The following GPC5 variants were observed in gnomAD, a reference collection of about 807,000 sequenced individuals.
GPC5 encodes glypican-5.
In GPC5, 47 loss-of-function variants were observed where a neutral mutation model predicts 53.9. The observed-to-expected ratio is 0.87, with a 90% CI of 0.69 to 1.11. The LOEUF (loss-of-function observed/expected upper bound fraction) is 1.11, where lower values mean the gene tolerates loss of function less well. Ranked by LOEUF, GPC5 falls within the 50% of genes most tolerant of loss-of-function variation. The probability of loss-of-function intolerance (pLI) is 0.00; values close to 1 mark genes in which losing one functional copy is unlikely to be tolerated. For missense variants in GPC5, 748 were observed against 713.1 expected, an observed-to-expected ratio of 1.05 and a Z score of -0.56; for synonymous variants, 286 against 263.3, an observed-to-expected ratio of 1.09 and a Z score of -0.84.
chr13:92,192,401 T>A (rs1232788492), intron 7 of GPC5, among the ~76,000 whole-genome samples: 1 of 152,132 alleles, frequency 6.6e-6, no homozygotes, highest in African/African-American at 2.4e-5. Flanking sequence ...GCTCTAAAAG[T>A]TTATTAATTA....
chr13:92,460,742 C>A (rs1878445685), intron 7 of GPC5, among the ~76,000 whole-genome samples: 1 of 152,104 alleles, frequency 6.6e-6, no homozygotes, highest in South Asian at 2.1e-4. Context: ...GAAATGGAGA[C>A]AGGCCAGAAG....
At chr13:92,235,865 G>A (rs985773792) in intron 7 of GPC5, among the ~76,000 whole-genome samples, 4 of 151,962 alleles carry the variant, frequency 2.6e-5, no homozygotes, top group Non-Finnish European at 5.9e-5. Flanking sequence ...ATTGACATAA[G>A]AGTAATAGCC....
At chr13:91,558,057 G>A (rs2031055184) in intron 2 of GPC5, among the ~76,000 whole-genome samples, 2 of 152,082 alleles carry the variant, frequency 1.3e-5, no homozygotes, top group Admixed American at 1.3e-4. Flanking sequence ...TATTTTTTAA[G>A]TTTTAGGCCA....
intron 2 of GPC5, among the ~76,000 whole-genome samples, chr13:91,675,667 G>T (rs961311913): frequency 6.6e-6 from 1 of 152,216 alleles, no homozygotes; most frequent in Non-Finnish European, 1.5e-5. Context: ...GAGACTTCCT[G>T]TGTAGGATGG....
At chr13:92,225,115 G>A (rs1392725443) in intron 7 of GPC5, among the ~76,000 whole-genome samples, 1 of 152,082 alleles carries the variant, frequency 6.6e-6, no homozygotes, top group African/African-American at 2.4e-5. Flanking sequence ...ACTTTTCAGT[G>A]CTTGGCCAGG....
intron 7 of GPC5, among the ~76,000 whole-genome samples, chr13:92,386,566 T>C (rs556653284): frequency 1.3e-5 from 2 of 152,152 alleles, no homozygotes; most frequent in East Asian, 1.9e-4. Flanking sequence ...TGTAGCACAA[T>C]AGTCATTTCA....
intron 7 of GPC5, among the ~76,000 whole-genome samples, chr13:92,368,250 G>A (rs868476788): frequency 4.0e-5 from 6 of 151,770 alleles, no homozygotes; most frequent in African/African-American, 9.6e-5. Flanking sequence ...CTCCCAAAGT[G>A]CTGGGATTAC....
At chr13:92,093,451 C>T (rs965645288) in intron 6 of GPC5, among the ~76,000 whole-genome samples, 5 of 152,024 alleles carry the variant, frequency 3.3e-5, no homozygotes, top group Admixed American at 6.5e-5. Flanking sequence ...TAAAAATACA[C>T]GAACTCACAT....
At chr13:92,141,783 A>G (rs2041833071) in intron 6 of GPC5, among the ~76,000 whole-genome samples, 3 of 152,080 alleles carry the variant, frequency 2.0e-5, no homozygotes, top group South Asian at 2.1e-4. Context: ...TGAGGGGGAG[A>G]ATCTGCTCCC....
At chr13:92,295,754 T>C (rs573404540) in intron 7 of GPC5, among the ~76,000 whole-genome samples, 2 of 152,326 alleles carry the variant, frequency 1.3e-5, no homozygotes, top group South Asian at 4.1e-4. Context: ...AAAGCCTGTT[T>C]TGTCTGACAT....
chr13:92,049,095 A>G (rs2041006845), intron 6 of GPC5, among the ~76,000 whole-genome samples: 1 of 152,184 alleles, frequency 6.6e-6, no homozygotes, highest in African/African-American at 2.4e-5. Context: ...AATGAGTCAC[A>G]GAAAAGTCAC....
chr13:91,608,428 ACCGTGTC>A (rs1366807321), intron 2 of GPC5, among the ~76,000 whole-genome samples: 3 of 152,188 alleles, frequency 2.0e-5, no homozygotes, highest in African/African-American at 7.2e-5. Flanking sequence ...AAATGCTTGT[ACCGTGTC>A]CCTATTTCAC....
At position 91,896,956 on chromosome 13, in the gene GPC5, G is replaced by A. The variant is rs375239440; in HGVS notation, c.1281-10981G>A. Reference sequence around the variant, plus strand: ...ACTGCTTGATAGTAGGAATTTGGCTGTAGTGTAGTTAAAGTGAGGCAAGAA... The same window carrying A: ...ACTGCTTGATAGTAGGAATTTGGCTATAGTGTAGTTAAAGTGAGGCAAGAA... On this transcript the variant is annotated intron_variant, in intron 5 of 7. Coordinates refer to ENST00000377067, the MANE Select transcript of GPC5 (RefSeq NM_004466.6). Among the ~76,000 whole-genome samples the A allele has an allele frequency of 1.5e-3, 233 of 152,274 alleles. 1 individual carries two copies. In the Middle Eastern group the frequency reaches 0.051, roughly 33 times the overall value.
At chr13:91,950,463 T>C (rs1157480047) in intron 6 of GPC5, among the ~76,000 whole-genome samples, 2 of 150,516 alleles carry the variant, frequency 1.3e-5, no homozygotes, top group African/African-American at 4.9e-5. Flanking sequence ...CTTTTATTAC[T>C]CTACCTTCTG....
chr13:91,798,367 A>G (rs1353439919), intron 5 of GPC5, among the ~76,000 whole-genome samples: 1 of 151,994 alleles, frequency 6.6e-6, no homozygotes, highest in African/African-American at 2.4e-5. Context: ...ACAGCCCCCA[A>G]TGTATGTTGT....
intron 7 of GPC5, among the ~76,000 whole-genome samples, chr13:92,168,769 T>A (rs921272741): frequency 8.5e-5 from 13 of 152,174 alleles, no homozygotes; most frequent in African/African-American, 3.1e-4. Context: ...TGGAAGACAG[T>A]GTGGCAGTTC....
chr13:92,161,918 T>A (rs1192830944), intron 7 of GPC5, among the ~76,000 whole-genome samples: 1 of 145,204 alleles, frequency 6.9e-6, no homozygotes, highest in African/African-American at 2.5e-5. Context: ...TTTTTAAGAA[T>A]ATAAATAATT....
At chr13:91,566,468 C>T (rs774716650) in intron 2 of GPC5, among the ~76,000 whole-genome samples, 3 of 152,076 alleles carry the variant, frequency 2.0e-5, no homozygotes, top group Non-Finnish European at 4.4e-5. Flanking sequence ...AGAGGCTGAG[C>T]AGGGGAATCA....
intron 7 of GPC5, among the ~76,000 whole-genome samples, chr13:92,299,245 A>C (rs1474017673): frequency 1.3e-5 from 2 of 152,224 alleles, no homozygotes; most frequent in African/African-American, 4.8e-5. Context: ...TTTTAAAGAC[A>C]TAGTTCAGAA....
Sources: allele counts gnomAD v4.1 joint callset (sites outside exome capture counted in the v4.1 genomes callset), GRCh38; gene constraint gnomAD v4.1.1; transcripts MANE v1.5; gene names NCBI Gene and HGNC (gene_info 2026-07-23, HGNC 2026-07-21).